The following CPNE4 variants were observed in gnomAD, a reference collection of about 807,000 sequenced individuals.
CPNE4 encodes copine 4.
CPNE4 carries 25 observed loss-of-function variants against 67.9 expected under a neutral mutation model. That is an observed-to-expected ratio of 0.37 (90% CI 0.27 to 0.51). CPNE4 has a LOEUF of 0.51. CPNE4 is among the 20% of genes least tolerant of loss of function. The probability of loss-of-function intolerance (pLI) is 0.93; values close to 1 mark genes in which losing one functional copy is unlikely to be tolerated. For synonymous variants in CPNE4, 242 were observed against 244.9 expected, an observed-to-expected ratio of 0.99 and a Z score of 0.11; for missense variants, 464 against 690.8, an observed-to-expected ratio of 0.67 and a Z score of 3.68.
intron 1 of CPNE4, among the ~76,000 whole-genome samples, chr3:131,921,022 G>C (rs139565849): frequency 7.4e-4 from 113 of 152,264 alleles, no homozygotes; most frequent in Non-Finnish European, 3.4e-4. Context: ...CAGAACAAAG[G>C]CCTCCTGTCC....
chr3:132,027,059 G>A (rs2107697379), intron 1 of CPNE4, among the ~76,000 whole-genome samples: 1 of 152,346 alleles, frequency 6.6e-6, no homozygotes, highest in South Asian at 2.1e-4. Context: ...TGATATGAGT[G>A]AGGAAGAAAG....
chr3:131,899,811 T>C (rs373344244), intron 2 of CPNE4, among the ~76,000 whole-genome samples: 21 of 152,214 alleles, frequency 1.4e-4, no homozygotes, highest in African/African-American at 4.8e-4. Flanking sequence ...ATCTTAGGTA[T>C]AGGTAAAATT....
chr3:131,993,474 A>AAAAAAG (rs1410099903), intron 1 of CPNE4, among the ~76,000 whole-genome samples: 1 of 126,818 alleles, frequency 7.9e-6, no homozygotes, highest in African/African-American at 2.6e-5. Context: ...AGGAGTGGCA[A>AAAAAAG]AAAAAAAAAA....
chr3:131,913,020 C>T (rs1480216530), intron 1 of CPNE4, among the ~76,000 whole-genome samples: 2 of 152,036 alleles, frequency 1.3e-5, no homozygotes, highest in African/African-American at 2.4e-5. Flanking sequence ...CAAGATAACA[C>T]AGGGGATAAG....
At chr3:131,716,762 C>T (rs960064218) in intron 3 of CPNE4, among the ~76,000 whole-genome samples, 1 of 152,180 alleles carries the variant, frequency 6.6e-6, no homozygotes, top group Non-Finnish European at 1.5e-5. Flanking sequence ...TTGAAGTCAG[C>T]ACTATTATTA....
chr3:131,546,625 A>G, intron 14 of CPNE4, among the ~76,000 whole-genome samples: 1 of 152,180 alleles, frequency 6.6e-6, no homozygotes, highest in Non-Finnish European at 1.5e-5. Context: ...TTGTAGTCCC[A>G]TTTAATGACC....
intron 2 of CPNE4, among the ~76,000 whole-genome samples, chr3:131,884,869 C>G (rs1302966154): frequency 6.6e-6 from 1 of 152,162 alleles, no homozygotes; most frequent in Non-Finnish European, 1.5e-5. Flanking sequence ...CTTCCCTAGC[C>G]ACATGGAACT....
chr3:131,616,610 C>T (rs1304758588), intron 7 of CPNE4, among the ~76,000 whole-genome samples: 1 of 152,216 alleles, frequency 6.6e-6, no homozygotes, highest in Non-Finnish European at 1.5e-5. Context: ...TCCCATTACC[C>T]TCAAACCTTC....
At chr3:131,936,948 C>G (rs1278057351) in intron 1 of CPNE4, among the ~76,000 whole-genome samples, 1 of 149,328 alleles carries the variant, frequency 6.7e-6, no homozygotes, top group African/African-American at 2.5e-5. Flanking sequence ...GACATAAAAA[C>G]TAAAAATGAG....
intron 7 of CPNE4, among the ~76,000 whole-genome samples, chr3:131,595,091 T>C (rs1580880): frequency 0.15 from 22,632 of 152,158 alleles, 1,978 homozygotes; most frequent in African/African-American, 0.23. Flanking sequence ...TGTGGAGAAA[T>C]TGGAACCTTC....
chr3:131,820,891 T>C (rs1184059609), intron 2 of CPNE4, among the ~76,000 whole-genome samples: 2 of 151,898 alleles, frequency 1.3e-5, no homozygotes, highest in East Asian at 3.9e-4. Context: ...TTTTAAATGA[T>C]ACTTCTTGCC....
chr3:131,537,284 T>C lies in CPNE4; in HGVS notation c.1540-1955A>G, dbSNP rs548884155. Among the ~76,000 whole-genome samples the C allele has an allele frequency of 2.5e-4, 23 of 93,502 alleles. No individual in the cohort carries two copies. The South Asian group carries it at 6.7e-3, about 27-fold the overall frequency. The allele number at this position is 93,502 out of a possible 152,430, so 61.3% of individuals were successfully genotyped here. ...AGACTTGTACATTTTTTCTTTTCTG[T>C]TTTTTTTTTTTTTTTTTGAGATGGA... is the stretch of plus-strand genomic sequence containing the variant. On this transcript the variant is annotated intron_variant, in intron 15 of 15. Coordinates refer to ENST00000429747, the MANE Select transcript of CPNE4 (RefSeq NM_130808.3).
chr3:131,555,574 A>G (rs748852334), intron 11 of CPNE4, 23 bp from the exon 12 acceptor site: 2 of 1,606,180 alleles, frequency 1.2e-6, no homozygotes, highest in Non-Finnish European at 1.7e-6. Flanking sequence ...TGAAGAAAAG[A>G]AAAAACAAGA....
At chr3:131,846,749 AT>A (rs2086013337) in intron 2 of CPNE4, among the ~76,000 whole-genome samples, 1 of 152,192 alleles carries the variant, frequency 6.6e-6, no homozygotes, top group South Asian at 2.1e-4. Flanking sequence ...ACAAGAAAGT[AT>A]TTCCCTATGT....
intron 3 of CPNE4, among the ~76,000 whole-genome samples, chr3:131,720,506 G>A (rs1471674258): frequency 2.0e-5 from 3 of 152,012 alleles, no homozygotes; most frequent in South Asian, 2.1e-4. Flanking sequence ...GGATGGTCTC[G>A]ATCTCCTGAC....
At chr3:131,604,737 G>A (rs1177853608) in intron 7 of CPNE4, among the ~76,000 whole-genome samples, 1 of 151,746 alleles carries the variant, frequency 6.6e-6, no homozygotes, top group Non-Finnish European at 1.5e-5. Flanking sequence ...CCTTGTGATT[G>A]GGTGAGTTAA....
intron 5 of CPNE4, among the ~76,000 whole-genome samples, chr3:131,689,660 C>G (rs2080982304): frequency 6.6e-6 from 1 of 152,188 alleles, no homozygotes; most frequent in South Asian, 2.1e-4. Flanking sequence ...AGGAATAAGA[C>G]AAGCATGTCA....
At chr3:131,944,934 G>A (rs750660992) in intron 1 of CPNE4, among the ~76,000 whole-genome samples, 76 of 152,082 alleles carry the variant, frequency 5.0e-4, no homozygotes, top group Non-Finnish European at 6.5e-4. Flanking sequence ...GTTTCTCCAT[G>A]AACAGCTTTA....
chr3:131,618,079 G>C (rs1940261427), intron 7 of CPNE4, among the ~76,000 whole-genome samples: 1 of 152,144 alleles, frequency 6.6e-6, no homozygotes, highest in Admixed American at 6.5e-5. Flanking sequence ...GGGTATGGGA[G>C]ACATCACTTT....
Sources: gnomAD v4.1 joint callset for allele counts (sites outside exome capture counted in the v4.1 genomes callset) on GRCh38, gnomAD v4.1.1 for gene constraint, MANE v1.5 for transcripts, NCBI Gene and HGNC (gene_info 2026-07-23, HGNC 2026-07-21) for gene names.